The following PDGFD variants were observed in gnomAD, a reference collection of about 807,000 sequenced individuals.
PDGFD encodes platelet derived growth factor D, also known as platelet-derived growth factor D.
A neutral mutation model predicts 44.7 loss-of-function variants in PDGFD; 30 were observed. That is an observed-to-expected ratio of 0.67 (90% CI 0.50 to 0.91). The LOEUF (loss-of-function observed/expected upper bound fraction) is 0.91, where lower values mean the gene tolerates loss of function less well. Ranked by LOEUF, PDGFD falls within the 40% of genes least tolerant of loss-of-function variation. PDGFD has a pLI of 0.00. For missense variants in PDGFD, 445 were observed against 457.8 expected (o/e 0.97, Z 0.25); for synonymous variants, 173 against 168.4 (o/e 1.03, Z -0.21).
intron 1 of PDGFD, among the ~76,000 whole-genome samples, chr11:104,004,161 A>G (rs909156814): frequency 2.0e-5 from 3 of 152,200 alleles, no homozygotes; most frequent in African/African-American, 7.2e-5. Flanking sequence ...TTATAAATGA[A>G]TGCCAATTAC....
At chr11:103,988,281 CT>C (rs1046579335) in intron 3 of PDGFD, among the ~76,000 whole-genome samples, 4 of 151,664 alleles carry the variant, frequency 2.6e-5, no homozygotes, top group African/African-American at 9.7e-5. Flanking sequence ...TACATTTTTT[CT>C]GGTTTTCAAG....
chr11:104,066,708 G>A (rs1860795508), intron 1 of PDGFD, among the ~76,000 whole-genome samples: 1 of 152,118 alleles, frequency 6.6e-6, no homozygotes, highest in Admixed American at 6.5e-5. Flanking sequence ...AGATGGTAGT[G>A]ACATAAAATT....
chr11:103,971,837 T>G (rs1295945968), intron 3 of PDGFD, among the ~76,000 whole-genome samples: 1 of 152,198 alleles, frequency 6.6e-6, no homozygotes, highest in Non-Finnish European at 1.5e-5. Context: ...CTCAGGTACT[T>G]TGTTAATTAT....
intron 3 of PDGFD, among the ~76,000 whole-genome samples, chr11:103,952,200 C>T (rs779641562): frequency 1.6e-4 from 24 of 152,192 alleles, no homozygotes; most frequent in Non-Finnish European, 3.4e-4. Context: ...CTCAGCAGAA[C>T]AGTGCCCTTA....
At chr11:104,030,451 A>G (rs1197852164) in intron 1 of PDGFD, among the ~76,000 whole-genome samples, 2 of 152,236 alleles carry the variant, frequency 1.3e-5, no homozygotes, top group Non-Finnish European at 2.9e-5. Context: ...ATTGAGAAGA[A>G]GGCCACTCAG....
intron 5 of PDGFD, among the ~76,000 whole-genome samples, chr11:103,939,836 G>T (rs1190778449): frequency 1.3e-5 from 2 of 151,974 alleles, no homozygotes; most frequent in Non-Finnish European, 2.9e-5. Context: ...GCAAAAATTA[G>T]GTTTGAAACT....
intron 1 of PDGFD, among the ~76,000 whole-genome samples, chr11:104,152,045 A>G (rs913861146): frequency 2.0e-5 from 3 of 152,204 alleles, no homozygotes; most frequent in African/African-American, 7.2e-5. Flanking sequence ...TTAACAGAGC[A>G]GAGACTGTGC....
chr11:104,045,820 GT>G (rs1203862804), intron 1 of PDGFD, among the ~76,000 whole-genome samples: 2 of 147,224 alleles, frequency 1.4e-5, no homozygotes, highest in African/African-American at 2.5e-5. Flanking sequence ...GCAAAAAGGG[GT>G]GAGGTAAAAG....
chr11:103,989,336 T>A (rs2134357849), intron 3 of PDGFD, among the ~76,000 whole-genome samples: 1 of 152,348 alleles, frequency 6.6e-6, no homozygotes, highest in East Asian at 1.9e-4. Context: ...AGCAAGAATC[T>A]GTTCTTAAAG....
chr11:104,089,456 G>A (rs531874874), intron 1 of PDGFD, among the ~76,000 whole-genome samples: 2 of 151,924 alleles, frequency 1.3e-5, no homozygotes, highest in Middle Eastern at 3.4e-3. Flanking sequence ...TTACACTGTT[G>A]TTTTTTTTCA....
chr11:103,942,609 A>G (rs1249323939), intron 5 of PDGFD, among the ~76,000 whole-genome samples: 1 of 152,008 alleles, frequency 6.6e-6, no homozygotes, highest in Non-Finnish European at 1.5e-5. Flanking sequence ...AGACATTTAT[A>G]TCTCGAGCAC....
chr11:104,103,891 AT>A (rs895345990), intron 1 of PDGFD, among the ~76,000 whole-genome samples: 27 of 151,882 alleles, frequency 1.8e-4, no homozygotes, highest in African/African-American at 4.3e-4. Flanking sequence ...TTCTACTTAT[AT>A]TTTTTTTAAA....
chr11:104,142,361 T>C lies in PDGFD; in HGVS notation c.124+21443A>G, dbSNP rs548654084. Among the ~76,000 whole-genome samples the C allele has an allele frequency of 2.6e-4, 39 of 152,218 alleles. No individual in the cohort carries two copies. In the South Asian group the frequency reaches 7.1e-3, roughly 28 times the overall value. On this transcript the variant is annotated intron_variant, in intron 1 of 6. Transcript: ENST00000393158. Reference sequence around the variant, plus strand: ...TGCGTGGTGTACATATATACACACATATTTATATAACATATACTCACACAC... The same window carrying C: ...TGCGTGGTGTACATATATACACACACATTTATATAACATATACTCACACAC...
chr11:103,950,533 A>C (rs778680936), intron 3 of PDGFD, among the ~76,000 whole-genome samples: 17 of 151,674 alleles, frequency 1.1e-4, no homozygotes, highest in Non-Finnish European at 2.1e-4. Context: ...ATTGCACTCC[A>C]GCCTTGGCAA....
intron 6 of PDGFD, among the ~76,000 whole-genome samples, chr11:103,911,631 G>C (rs1303769802): frequency 6.6e-6 from 1 of 152,106 alleles, no homozygotes; most frequent in Non-Finnish European, 1.5e-5. Flanking sequence ...GAATGAGTTT[G>C]AGGAATTGAC....
intron 6 of PDGFD, among the ~76,000 whole-genome samples, chr11:103,922,126 C>A (rs918494640): frequency 1.3e-5 from 2 of 152,054 alleles, no homozygotes; most frequent in African/African-American, 4.8e-5. Flanking sequence ...TGGCTGTTGA[C>A]TAAATGGATA....
intron 6 of PDGFD, among the ~76,000 whole-genome samples, chr11:103,911,668 T>C (rs916974430): frequency 6.6e-5 from 10 of 151,970 alleles, no homozygotes; most frequent in South Asian, 4.2e-4. Context: ...AGGTGGGTAA[T>C]AACAAACTCC....
chr11:104,109,897 C>T (rs1387370137), intron 1 of PDGFD, among the ~76,000 whole-genome samples: 1 of 152,010 alleles, frequency 6.6e-6, no homozygotes, highest in Non-Finnish European at 1.5e-5. Flanking sequence ...CTCAGTGCAC[C>T]TCTCATCACC....
chr11:104,053,521 T>C (rs975652545), intron 1 of PDGFD, among the ~76,000 whole-genome samples: 9 of 152,236 alleles, frequency 5.9e-5, no homozygotes, highest in Non-Finnish European at 1.0e-4. Flanking sequence ...GATTGGGTTA[T>C]TGCTTCTATG....
Sources: allele counts gnomAD v4.1 joint callset (sites outside exome capture counted in the v4.1 genomes callset), GRCh38; gene constraint gnomAD v4.1.1; transcripts MANE v1.5; gene names NCBI Gene and HGNC (gene_info 2026-07-23, HGNC 2026-07-21).